ARHGAP22: variants seen among roughly 807,000 people sequenced by gnomAD.
ARHGAP22 encodes the protein Rho GTPase activating protein 22.
ARHGAP22 carries 48 observed loss-of-function variants against 59.1 expected under a neutral mutation model. The observed-to-expected ratio is 0.81, with a 90% CI of 0.64 to 1.03. ARHGAP22 has a LOEUF of 1.03. Ranked by LOEUF, ARHGAP22 falls within the 50% of genes least tolerant of loss-of-function variation. The probability of loss-of-function intolerance (pLI) is 0.00; values close to 1 mark genes in which losing one functional copy is unlikely to be tolerated. For missense variants in ARHGAP22, 1,015 were observed against 958.7 expected, an observed-to-expected ratio of 1.06 and a Z score of -0.78; for synonymous variants, 445 against 416.4, an observed-to-expected ratio of 1.07 and a Z score of -0.84.
At chr10:48,583,204 A>C in intron 1 of ARHGAP22, 52 bp from the exon 2 acceptor site, 1 of 1,565,466 alleles carries the variant, frequency 6.4e-7, no homozygotes, top group Non-Finnish European at 8.7e-7. Context: ...GCCTGCTATC[A>C]GTCCTGCCCC....
chr10:48,469,384 C>G lies in ARHGAP22; in HGVS notation c.452-9493G>C, dbSNP rs1367466330. 2.0e-5 allele frequency among the ~76,000 whole-genome samples: 3 copies of G among 152,326 alleles called. No individual in the cohort carries two copies. The East Asian group carries it at 5.8e-4, about 29-fold the overall frequency. On this transcript the variant is annotated intron_variant, in intron 4 of 9. Transcript: ENST00000249601. ...GCCTTCTCAGGGCAGGGCTGGGGAG[C>G]TGACAACCTGAGTCTGTCCAATCAC... is the stretch of plus-strand genomic sequence containing the variant.
In ARHGAP22 at chr10:48,555,455, A is replaced by T. The variant is rs1323053722; in HGVS notation, c.322+8T>A. The T allele has an allele frequency of 4.3e-6, 7 of 1,613,568 alleles. No homozygotes were observed. The highest frequency in any genetic ancestry group is 5.9e-6 in the Non-Finnish European group (7 of 1,179,798). ...AGGGCTGCAGAGCTGGAAGGTGCTC[A>T]GGCCTACCTGGGCTGATCTCAAAGA... On this transcript the variant is annotated splice_region_variant and intron_variant, in intron 3 of 9. Coordinates refer to ENST00000249601, the MANE Select transcript of ARHGAP22 (RefSeq NM_021226.4).
chr10:48,618,736 A>C (rs931341211), intron 1 of ARHGAP22, among the ~76,000 whole-genome samples: 5 of 152,140 alleles, frequency 3.3e-5, no homozygotes, highest in Non-Finnish European at 7.4e-5. Flanking sequence ...CACAGCCTAC[A>C]TCATATTGAA....
intron 2 of ARHGAP22, among the ~76,000 whole-genome samples, chr10:48,581,616 T>C (rs2135612191): frequency 6.6e-6 from 1 of 152,364 alleles, no homozygotes; most frequent in African/African-American, 2.4e-5. Context: ...AAAGTTTTCC[T>C]GAAGCAGTCT....
At chr10:48,526,613 C>T (rs2054346837) in intron 3 of ARHGAP22, among the ~76,000 whole-genome samples, 1 of 152,164 alleles carries the variant, frequency 6.6e-6, no homozygotes. Context: ...AGAGCATCTG[C>T]GGGGAGTGAG....
intron 3 of ARHGAP22, among the ~76,000 whole-genome samples, chr10:48,525,914 G>A (rs1030019267): frequency 5.3e-5 from 8 of 152,170 alleles, no homozygotes; most frequent in African/African-American, 1.9e-4. Context: ...GCATAATCAG[G>A]TATTATTGTG....
intron 4 of ARHGAP22, among the ~76,000 whole-genome samples, chr10:48,475,998 A>G (rs994848710): frequency 6.6e-6 from 1 of 151,972 alleles, no homozygotes; most frequent in Non-Finnish European, 1.5e-5. Context: ...CCTTCTACTC[A>G]AAAGTCACCA....
chr10:48,646,594 T>C (rs1242425456), intron 1 of ARHGAP22, among the ~76,000 whole-genome samples: 1 of 152,168 alleles, frequency 6.6e-6, no homozygotes, highest in African/African-American at 2.4e-5. Context: ...GAAAATTTTT[T>C]AACAAATGGT....
intron 4 of ARHGAP22, among the ~76,000 whole-genome samples, chr10:48,461,949 G>A (rs2047173326): frequency 6.6e-6 from 1 of 152,190 alleles, no homozygotes; most frequent in African/African-American, 2.4e-5. Context: ...ATCGGTCCCT[G>A]ATACAGTGCC....
intron 3 of ARHGAP22, among the ~76,000 whole-genome samples, chr10:48,532,048 C>T (rs895147275): frequency 6.6e-6 from 1 of 152,184 alleles, no homozygotes; most frequent in African/African-American, 2.4e-5. Flanking sequence ...CAGCTTATCA[C>T]AAAACATACC....
At chr10:48,598,728 C>T (rs948808147) in intron 1 of ARHGAP22, among the ~76,000 whole-genome samples, 3 of 152,226 alleles carry the variant, frequency 2.0e-5, no homozygotes, top group Non-Finnish European at 2.9e-5. Flanking sequence ...GGGACAGGCT[C>T]ATTCCCTCAC....
chr10:48,520,544 C>T (rs895277504), intron 3 of ARHGAP22, among the ~76,000 whole-genome samples: 6 of 152,070 alleles, frequency 3.9e-5, no homozygotes, highest in African/African-American at 1.4e-4. Context: ...GCACACTGTT[C>T]CCTGGTGCTG....
At chr10:48,542,934 G>T (rs2056097981) in intron 3 of ARHGAP22, among the ~76,000 whole-genome samples, 1 of 152,170 alleles carries the variant, frequency 6.6e-6, no homozygotes, top group Admixed American at 6.5e-5. Context: ...AGCTGGGGAG[G>T]CTGAGCCCAG....
intron 2 of ARHGAP22, among the ~76,000 whole-genome samples, chr10:48,569,173 G>A (rs954187335): frequency 3.9e-5 from 6 of 152,218 alleles, no homozygotes; most frequent in Admixed American, 2.6e-4. Context: ...AGGCTGCCAT[G>A]CTGCTTAGTT....
chr10:48,474,807 T>A (rs998605861), intron 4 of ARHGAP22, among the ~76,000 whole-genome samples: 1 of 152,166 alleles, frequency 6.6e-6, no homozygotes, highest in East Asian at 1.9e-4. Flanking sequence ...AGACGATAAA[T>A]CTCATTTCAT....
intron 5 of ARHGAP22, among the ~76,000 whole-genome samples, chr10:48,457,080 T>TG (rs1185558152): frequency 6.6e-6 from 1 of 152,070 alleles, no homozygotes; most frequent in African/African-American, 2.4e-5. Context: ...GTGCCTGCCC[T>TG]GGGGACAAAG....
chr10:48,551,080 G>A (rs1241135975), intron 3 of ARHGAP22, among the ~76,000 whole-genome samples: 1 of 152,192 alleles, frequency 6.6e-6, no homozygotes, highest in Admixed American at 6.5e-5. Flanking sequence ...CTGGGCACTG[G>A]GGTGGGAAGG....
chr10:48,450,951 G>T lies in ARHGAP22; in HGVS notation c.1178C>A (p.Thr393Asn). ...CACGGCCGCCCCGTCCAGGGAAGAG[G>T]TCCTGTGCGCGGGCAGGCCGGGGCC... ...PGGPGLPAHR[T>N]SSLDGAAVAV... Residue 393 changes from threonine (T) to asparagine (N), a missense_variant, in exon 9 of 10, where the codon ACC becomes AAC. Transcript: ENST00000249601. 1 of 1,581,444 alleles carries T rather than the reference G, an allele frequency of 6.3e-7. No individual in the cohort carries two copies. The highest frequency in any genetic ancestry group is 8.6e-7 in the Non-Finnish European group (1 of 1,164,694).
chr10:48,482,309 T>C (rs1329954175), intron 3 of ARHGAP22, among the ~76,000 whole-genome samples: 1 of 152,252 alleles, frequency 6.6e-6, no homozygotes. Context: ...TTCATTCTTT[T>C]GCATATGCAC....
Sources: gnomAD v4.1 joint callset for allele counts (sites outside exome capture counted in the v4.1 genomes callset) on GRCh38, gnomAD v4.1.1 for gene constraint, MANE v1.5 for transcripts, NCBI Gene and HGNC (gene_info 2026-07-23, HGNC 2026-07-21) for gene names.